The following NF1 variants were observed in gnomAD, a reference collection of about 807,000 sequenced individuals.
NF1 encodes the protein neurofibromin 1, also known as neurofibromin.
In NF1, 122 loss-of-function variants were observed where a neutral mutation model predicts 325.7. That is an observed-to-expected ratio of 0.37 (90% CI 0.32 to 0.44). NF1 has a LOEUF of 0.44. Ranked by LOEUF, NF1 falls within the 20% of genes least tolerant of loss-of-function variation. The probability of loss-of-function intolerance (pLI) is 1.00; values close to 1 mark genes in which losing one functional copy is unlikely to be tolerated. For synonymous variants in NF1, 1,091 were observed against 1,186.0 expected (o/e 0.92, Z 1.65); for missense variants, 2,140 against 3,415.4 (o/e 0.63, Z 9.31).
chr17:31,316,547 G>A (rs1200520815), intron 36 of NF1, among the ~76,000 whole-genome samples: 2 of 152,104 alleles, frequency 1.3e-5, no homozygotes, highest in African/African-American at 2.4e-5. Context: ...TCTCTGACAC[G>A]TGTTTATTTA....
At chr17:31,345,373 C>T in intron 48 of NF1, 7 of 1,169,534 alleles carry the variant, frequency 6.0e-6, no homozygotes, top group Non-Finnish European at 8.3e-6. Context: ...TTAAAAGTCT[C>T]TCCTTCCCCC....
chr17:31,139,322 A>T (rs1011070333), intron 1 of NF1, among the ~76,000 whole-genome samples: 1 of 151,966 alleles, frequency 6.6e-6, no homozygotes, highest in Non-Finnish European at 1.5e-5. Flanking sequence ...TGCTGGGATT[A>T]CAGCATGAGT....
chr17:31,100,555 G>T (rs1912227686), intron 1 of NF1, among the ~76,000 whole-genome samples: 2 of 151,834 alleles, frequency 1.3e-5, no homozygotes, highest in African/African-American at 4.8e-5. Context: ...TATTATTATT[G>T]TTATTTTAAA....
chr17:31,227,321 CCA>C, intron 19 of NF1, 30 bp downstream of exon 19: 1 of 1,608,688 alleles, frequency 6.2e-7, no homozygotes, highest in African/African-American at 1.3e-5. Context: ...AACACCCCTC[CCA>C]GGCGCCCACC....
chr17:31,153,321 C>A (rs1230060955), intron 1 of NF1, among the ~76,000 whole-genome samples: 3 of 152,254 alleles, frequency 2.0e-5, no homozygotes, highest in Admixed American at 2.0e-4. Flanking sequence ...CATGTGACGA[C>A]TAGTGGCTGT....
chr17:31,331,830 A>C (rs1413888317), intron 39 of NF1: 1 of 135,542 alleles, frequency 7.4e-6, no homozygotes, highest in Non-Finnish European at 1.5e-5. Flanking sequence ...TGAGCCCCAG[A>C]GGTCAGGGCT....
chr17:31,350,263 A>G lies in NF1; in HGVS notation c.7402A>G (p.Met2468Val), dbSNP rs151211377. ...RKSLLLTDIS[M>V]ENVPMDTYPI... ...GTCACTTCTTCTTACTGATATTTCA[A>G]TGGAAAATGTTCCTATGGATACATA... Residue 2468 changes from methionine to valine, a missense_variant, in exon 50 of 58, where the codon ATG (methionine) becomes GTG (valine). Coordinates refer to ENST00000358273, the MANE Select transcript of NF1 (RefSeq NM_001042492.3). 5.0e-6 allele frequency: 8 copies of G among 1,613,542 alleles called. No homozygotes were observed. Among genetic ancestry groups the G allele is most frequent in the African/African-American group, 1.3e-5 (1 of 74,938 alleles).
intron 8 of NF1, among the ~76,000 whole-genome samples, chr17:31,186,573 CAA>C (rs2066243717): frequency 6.6e-6 from 1 of 152,126 alleles, no homozygotes; most frequent in Non-Finnish European, 1.5e-5. Flanking sequence ...AAATTGGTGA[CAA>C]AGAGATTTGA....
rs542375454 is a variant in NF1, at chr17:31,249,444, C to T, written c.4110+325C>T. On this transcript the variant is annotated intron_variant, in intron 30 of 57. Transcript: ENST00000358273. ...GATTTTTGTTGTTGTCATCTATTAACCTAAATTATTTACAGGGTGTTTCAC... is the reference window on the plus strand; with the variant it reads ...GATTTTTGTTGTTGTCATCTATTAATCTAAATTATTTACAGGGTGTTTCAC... Among the ~76,000 whole-genome samples the T allele has an allele frequency of 2.6e-5, 4 of 152,242 alleles. No homozygotes were observed. In the South Asian group the frequency reaches 6.2e-4, roughly 24 times the overall value.
chr17:31,167,629 A>G (rs1335505631), intron 4 of NF1, among the ~76,000 whole-genome samples: 1 of 152,228 alleles, frequency 6.6e-6, no homozygotes, highest in African/African-American at 2.4e-5. Context: ...AATATGAATA[A>G]TGAGTATGCC....
intron 5 of NF1, among the ~76,000 whole-genome samples, chr17:31,170,789 A>AT (rs2065916758): frequency 6.6e-6 from 1 of 152,200 alleles, no homozygotes; most frequent in African/African-American, 2.4e-5. Flanking sequence ...TGTAAATCAG[A>AT]TATCAATGAA....
chr17:31,373,529 A>T (rs1055810595), intron 57 of NF1, among the ~76,000 whole-genome samples: 2 of 152,242 alleles, frequency 1.3e-5, no homozygotes, highest in African/African-American at 4.8e-5. Context: ...GAAGTTTTCC[A>T]TGTGACATTA....
chr17:31,185,974 G>A (rs1379544167), intron 8 of NF1, among the ~76,000 whole-genome samples: 1 of 152,128 alleles, frequency 6.6e-6, no homozygotes, highest in African/African-American at 2.4e-5. Flanking sequence ...CTCTTGACCT[G>A]TTACTGGGCT....
intron 40 of NF1, 109 bp downstream of exon 40, chr17:31,335,140 AAC>A (rs1258497569): frequency 2.8e-5 from 25 of 908,400 alleles, no homozygotes; most frequent in East Asian, 1.0e-4. Context: ...AGTTGTAAAA[AAC>A]ACAGTTTCCT....
intron 36 of NF1, among the ~76,000 whole-genome samples, chr17:31,279,428 A>G (rs555135140): frequency 6.6e-6 from 1 of 152,282 alleles, no homozygotes; most frequent in East Asian, 1.9e-4. Context: ...AGAACATTTA[A>G]AACATTTTAG....
chr17:31,232,558 TG>T, intron 25 of NF1, 141 bp from the exon 26 acceptor site: 1 of 800,716 alleles, frequency 1.2e-6, no homozygotes, highest in Non-Finnish European at 2.1e-6. Flanking sequence ...TAAGCCACCC[TG>T]GCTGATTATC....
chr17:31,334,316 A>C (rs2069585058), intron 39 of NF1, among the ~76,000 whole-genome samples: 1 of 152,106 alleles, frequency 6.6e-6, no homozygotes, highest in East Asian at 1.9e-4. Context: ...AAAATGAATA[A>C]TCTCAGTATA....
At chr17:31,227,410 A>G in intron 19 of NF1, 113 bp from the exon 20 acceptor site, 1 of 1,405,740 alleles carries the variant, frequency 7.1e-7, no homozygotes, top group Non-Finnish European at 1.0e-6. Flanking sequence ...CGTGCATATT[A>G]CAAGTATAAT....
At chr17:31,190,970 G>T (rs1295052991) in intron 8 of NF1, among the ~76,000 whole-genome samples, 1 of 152,142 alleles carries the variant, frequency 6.6e-6, no homozygotes, top group Non-Finnish European at 1.5e-5. Flanking sequence ...TACCTTGATT[G>T]TGGTACTCAT....
Sources: allele counts gnomAD v4.1 joint callset (sites outside exome capture counted in the v4.1 genomes callset), GRCh38; gene constraint gnomAD v4.1.1; transcripts MANE v1.5; gene names NCBI Gene and HGNC (gene_info 2026-07-23, HGNC 2026-07-21).